MIER1: variants seen among roughly 807,000 people sequenced by gnomAD.
MIER1 encodes the protein mesoderm induction early response protein 1.
Under a neutral mutation model 75.7 loss-of-function variants are expected in MIER1, and 40 were observed. The observed-to-expected ratio is 0.53, with a 90% CI of 0.41 to 0.69. The LOEUF is 0.69. Ranked by LOEUF, MIER1 falls within the 30% of genes least tolerant of loss-of-function variation. The pLI, the probability that MIER1 is intolerant of heterozygous loss-of-function variation, is 0.00. For synonymous variants in MIER1, 213 were observed against 223.4 expected (o/e 0.95, Z 0.42); for missense variants, 574 against 680.2 (o/e 0.84, Z 1.74).
chr1:66,967,174 G>T (rs977921574), intron 8 of MIER1, among the ~76,000 whole-genome samples: 1 of 151,936 alleles, frequency 6.6e-6, no homozygotes, highest in African/African-American at 2.4e-5. Context: ...ATCTATTTTG[G>T]TTTTTGTGTG....
At chr1:66,953,451 G>A (rs996927495) in intron 4 of MIER1, among the ~76,000 whole-genome samples, 2 of 152,098 alleles carry the variant, frequency 1.3e-5, no homozygotes, top group Non-Finnish European at 2.9e-5. Flanking sequence ...TTAAATAAGA[G>A]ACTTTTTATA....
chr1:66,975,613 A>G lies in MIER1; in HGVS notation c.1102-982A>G, dbSNP rs569956823. Among the ~76,000 whole-genome samples, 248 of 152,320 alleles carry G rather than the reference A, an allele frequency of 1.6e-3. 2 individuals carry two copies. Among genetic ancestry groups the G allele is most frequent in the Non-Finnish European group, 3.2e-3 (219 of 68,018 alleles). The stretch of plus-strand genomic sequence containing the variant: ...AATCCTCAGTATTTTATATATATAC[A>G]TCAACCCTACCACCAGTTCTCCCGG... On this transcript the variant is annotated intron_variant, in intron 11 of 13. Transcript: ENST00000401041.
In MIER1 at chr1:66,958,108, G is replaced by T; in HGVS notation, c.389G>T (p.Ser130Ile). 6.2e-7 allele frequency: 1 copy of T among 1,612,158 alleles called. No homozygotes were observed. Among genetic ancestry groups the T allele is most frequent in the Non-Finnish European group, 8.5e-7 (1 of 1,178,416 alleles). ...HELLSLYGYG[S>I]TVRLPEEDEE... ...CTTCTCAGCCTTTATGGTTATGGTA[G>T]TACTGTTCGACTACCTGAAGAAGAT... The change falls in exon 5 of 14, where the codon AGT becomes ATT. Residue 130 changes from serine to isoleucine, a missense_variant. Ser to Ile is a moderately radical substitution (Grantham distance 142). Coordinates refer to ENST00000401041, the MANE Select transcript of MIER1 (RefSeq NM_001077700.3).
intron 2 of MIER1, among the ~76,000 whole-genome samples, chr1:66,936,879 G>A (rs1654984092): frequency 1.3e-5 from 2 of 150,584 alleles, no homozygotes; most frequent in African/African-American, 4.9e-5. Flanking sequence ...TGCACCTGTA[G>A]TCCCAGCTAC....
chr1:66,968,610 C>G (rs1316181394), intron 8 of MIER1, among the ~76,000 whole-genome samples: 2 of 152,004 alleles, frequency 1.3e-5, no homozygotes, highest in East Asian at 3.9e-4. Context: ...TTATTAGGCA[C>G]CATGCAGATT....
intron 2 of MIER1, chr1:66,930,358 C>A (rs374360656): frequency 1.2e-6 from 2 of 1,606,758 alleles, no homozygotes; most frequent in South Asian, 1.1e-5. Flanking sequence ...CAGCTGCGGC[C>A]GCCGCGGAGA....
chr1:66,979,490 T>C (rs1468383507), intron 12 of MIER1, among the ~76,000 whole-genome samples: 1 of 152,180 alleles, frequency 6.6e-6, no homozygotes, highest in African/African-American at 2.4e-5. Context: ...CCTGGAAGAA[T>C]TGGGAACCTT....
chr1:66,978,487 C>G (rs1401693823), intron 12 of MIER1, among the ~76,000 whole-genome samples: 1 of 152,028 alleles, frequency 6.6e-6, no homozygotes, highest in Non-Finnish European at 1.5e-5. Flanking sequence ...CAAATTTTAT[C>G]TAATTGCTTA....
chr1:66,971,909 T>C (rs945709302), intron 10 of MIER1, among the ~76,000 whole-genome samples, 173 bp downstream of exon 10: 1 of 151,996 alleles, frequency 6.6e-6, no homozygotes, highest in African/African-American at 2.4e-5. Flanking sequence ...GGATTAAGAT[T>C]GTCCCTTCCT....
intron 4 of MIER1, among the ~76,000 whole-genome samples, chr1:66,948,632 C>T (rs1658210983): frequency 6.6e-6 from 1 of 152,184 alleles, no homozygotes; most frequent in Admixed American, 6.5e-5. Flanking sequence ...GTGGTTTATA[C>T]CTGTAATCTC....
At chr1:66,955,442 G>A (rs1187823251) in intron 4 of MIER1, among the ~76,000 whole-genome samples, 1 of 142,228 alleles carries the variant, frequency 7.0e-6, no homozygotes, top group Non-Finnish European at 1.5e-5. Flanking sequence ...ATTTTAGTAA[G>A]CCCTCAAGGT....
chr1:66,949,228 G>T (rs577211906), intron 4 of MIER1, among the ~76,000 whole-genome samples: 70 of 152,164 alleles, frequency 4.6e-4, no homozygotes, highest in Admixed American at 4.6e-3. Context: ...TTAGCAAGAG[G>T]AAATAAGTAG....
chr1:66,930,190 G>C (rs1652774510), intron 2 of MIER1: 2 of 1,361,050 alleles, frequency 1.5e-6, no homozygotes, highest in East Asian at 6.3e-5. Flanking sequence ...CTCCAGTCCA[G>C]CCCAGCCGGG....
intron 13 of MIER1, among the ~76,000 whole-genome samples, chr1:66,984,369 T>C (rs543516131): frequency 2.0e-5 from 3 of 152,342 alleles, no homozygotes; most frequent in Admixed American, 6.5e-5. Context: ...TGATCTTCAT[T>C]GTATATATGT....
intron 9 of MIER1, among the ~76,000 whole-genome samples, chr1:66,971,349 T>G (rs1269340506): frequency 6.6e-6 from 1 of 152,018 alleles, no homozygotes; most frequent in Non-Finnish European, 1.5e-5. Context: ...TGTTTAAAAT[T>G]ATAGGAATCT....
intron 2 of MIER1, among the ~76,000 whole-genome samples, chr1:66,935,877 C>T (rs190907935): frequency 6.6e-6 from 1 of 152,074 alleles, no homozygotes. Context: ...TCATAGTGTT[C>T]TATTGTTTGG....
intron 12 of MIER1, among the ~76,000 whole-genome samples, chr1:66,978,286 ATAGG>A (rs59766514): frequency 0.21 from 32,574 of 151,548 alleles, 3,841 homozygotes; most frequent in Non-Finnish European, 0.26. Context: ...AAGTTCATTT[ATAGG>A]TAGGTATCTC....
At chr1:66,975,262 C>T (rs1333486494) in intron 11 of MIER1, among the ~76,000 whole-genome samples, 1 of 152,188 alleles carries the variant, frequency 6.6e-6, no homozygotes, top group Non-Finnish European at 1.5e-5. Context: ...TGCAGTGGCT[C>T]ATGCCTGTTA....
intron 13 of MIER1, among the ~76,000 whole-genome samples, chr1:66,982,779 T>A (rs188870167): frequency 9.3e-4 from 141 of 152,326 alleles, no homozygotes; most frequent in African/African-American, 3.2e-3. Flanking sequence ...GTTCATTTCA[T>A]GACCCCTCTC....
Sources: gnomAD v4.1 joint callset for allele counts (sites outside exome capture counted in the v4.1 genomes callset) on GRCh38, gnomAD v4.1.1 for gene constraint, MANE v1.5 for transcripts, NCBI Gene and HGNC (gene_info 2026-07-23, HGNC 2026-07-21) for gene names.